Variants in HIP1 observed in about 807,000 individuals in gnomAD.
HIP1 encodes huntingtin interacting protein 1, also known as huntingtin-interacting protein 1.
In HIP1, 65 loss-of-function variants were observed where a neutral mutation model predicts 147.6. The observed-to-expected ratio is 0.44, with a 90% CI of 0.36 to 0.54. The LOEUF (loss-of-function observed/expected upper bound fraction) is 0.54, where lower values mean the gene tolerates loss of function less well. HIP1 is among the 20% of genes least tolerant of loss of function. The pLI, the probability that HIP1 is intolerant of heterozygous loss-of-function variation, is 0.00. For synonymous variants in HIP1, 479 were observed against 504.0 expected (o/e 0.95, Z 0.67); for missense variants, 1,061 against 1,299.6 (o/e 0.82, Z 2.82).
intron 28 of HIP1, among the ~76,000 whole-genome samples, chr7:75,542,347 G>C (rs1794355280): frequency 2.0e-5 from 3 of 151,896 alleles, no homozygotes; most frequent in Admixed American, 2.0e-4. Context: ...AGTGAGCCAA[G>C]ATTGCGCCAT....
intron 1 of HIP1, among the ~76,000 whole-genome samples, chr7:75,650,453 CTTTTT>C (rs782108312): frequency 7.9e-6 from 1 of 126,560 alleles, no homozygotes; most frequent in Non-Finnish European, 1.6e-5. Flanking sequence ...GCCCAGTTAT[CTTTTT>C]TTTTTTTTTT....
At chr7:75,613,995 AC>A (rs1174289024) in intron 1 of HIP1, among the ~76,000 whole-genome samples, 1 of 150,518 alleles carries the variant, frequency 6.6e-6, no homozygotes, top group Non-Finnish European at 1.5e-5. Context: ...GCTCACTACA[AC>A]CTTAACCTCC....
chr7:75,647,392 C>T (rs1390298641), intron 1 of HIP1, among the ~76,000 whole-genome samples: 2 of 151,896 alleles, frequency 1.3e-5, no homozygotes, highest in Non-Finnish European at 2.9e-5. Flanking sequence ...AGAGAGACTC[C>T]ATCTCAAAAA....
intron 1 of HIP1, among the ~76,000 whole-genome samples, chr7:75,674,867 G>A (rs1424555147): frequency 2.0e-5 from 3 of 151,626 alleles, no homozygotes; most frequent in African/African-American, 7.3e-5. Context: ...ACTTCTCGCT[G>A]CTTCCTCTTT....
rs1015055350 is a variant in HIP1, at chr7:75,548,960, C to T, written c.2337G>A (p.Leu779=). The change falls in exon 23 of 31, where the codon CTG becomes CTA. Residue 779 remains leucine (L), a synonymous_variant. Transcript: ENST00000336926. The part of the protein sequence containing the change: ...PRGLDIKQEE[L]GDLVDKEMAA... ...CCATCTCCTTGTCCACCAGGTCCCC[C>T]AGCTCCTCCTGCTTGATGTCCAGTC... is the stretch of plus-strand genomic sequence containing the variant. The T allele has an allele frequency of 1.2e-6, 2 of 1,613,976 alleles. No individual in the cohort carries two copies. The highest frequency in any genetic ancestry group is 1.7e-5 in the Admixed American group (1 of 59,992).
intron 1 of HIP1, among the ~76,000 whole-genome samples, chr7:75,615,233 G>T (rs1193535974): frequency 6.6e-6 from 1 of 152,100 alleles, no homozygotes; most frequent in Non-Finnish European, 1.5e-5. Context: ...CACACCAGGG[G>T]CTGTGAGAGA....
At chr7:75,641,492 G>GTTT (rs111549394) in intron 1 of HIP1, among the ~76,000 whole-genome samples, 1 of 147,578 alleles carries the variant, frequency 6.8e-6, no homozygotes, top group African/African-American at 2.5e-5. Context: ...CTCCTTGTTT[G>GTTT]CTTTTTTTTT....
intron 1 of HIP1, among the ~76,000 whole-genome samples, chr7:75,704,581 GTTGT>G (rs1238215663): frequency 4.0e-5 from 6 of 150,240 alleles, no homozygotes; most frequent in Non-Finnish European, 5.9e-5. Flanking sequence ...TGTTGTTGTT[GTTGT>G]TTGTTTGTTT....
Position 75,555,470 on chromosome 7 carries a change from C to T in HIP1, c.1909G>A (p.Asp637Asn). The T allele has an allele frequency of 1.2e-6, 2 of 1,614,200 alleles. No homozygotes were observed. The highest frequency in any genetic ancestry group is 1.7e-6 in the Non-Finnish European group (2 of 1,180,046). ...GGTTCTTCAAGCTGGTTCAGGGCGT[C>T]TTGTATCACCTGCTCCGCAGCCTTC... The part of the protein sequence containing the change: ...SRKAAEQVIQ[D>N]ALNQLEEPPL... The change falls in exon 19 of 31, where the codon GAC becomes AAC. Residue 637 changes from aspartate (D) to asparagine (N), a missense_variant. Asp to Asn is a conservative substitution (Grantham distance 23, BLOSUM62 1). Coordinates refer to ENST00000336926, the MANE Select transcript of HIP1 (RefSeq NM_005338.7).
chr7:75,611,712 G>C, intron 1 of HIP1: 3 of 1,032,642 alleles, frequency 2.9e-6, no homozygotes, highest in Non-Finnish European at 3.5e-6. Flanking sequence ...AGAACAGGCT[G>C]TTCTCTGGAC....
intron 7 of HIP1, among the ~76,000 whole-genome samples, chr7:75,575,914 G>GAA (rs781931755): frequency 7.0e-6 from 1 of 143,450 alleles, no homozygotes; most frequent in Non-Finnish European, 1.5e-5. Flanking sequence ...TCTGGCAGCT[G>GAA]AAAAAAAAAA....
At chr7:75,582,000 C>T (rs1478852791) in intron 6 of HIP1, 75 bp downstream of exon 6, 1 of 1,270,492 alleles carries the variant, frequency 7.9e-7, no homozygotes, top group Non-Finnish European at 1.1e-6. Flanking sequence ...ATCAGGCCCT[C>T]CATGACCCTT....
intron 15 of HIP1, 72 bp downstream of exon 15, chr7:75,558,095 C>G: frequency 7.8e-7 from 1 of 1,289,018 alleles, no homozygotes; most frequent in Non-Finnish European, 1.1e-6. Flanking sequence ...CCCGGGGAAG[C>G]CACAGGCCTG....
At chr7:75,574,448 G>T (rs1167356086) in intron 7 of HIP1, among the ~76,000 whole-genome samples, 1 of 151,716 alleles carries the variant, frequency 6.6e-6, no homozygotes, top group African/African-American at 2.4e-5. Context: ...AATTAGCTGG[G>T]CATGGTGGCA....
intron 1 of HIP1, among the ~76,000 whole-genome samples, chr7:75,694,118 C>T (rs2056871891): frequency 6.6e-6 from 1 of 152,002 alleles, no homozygotes; most frequent in African/African-American, 2.4e-5. Flanking sequence ...CGGGATTTCA[C>T]CATGTTGGCC....
intron 22 of HIP1, among the ~76,000 whole-genome samples, chr7:75,551,189 A>ATTTTTTTTTTTTTTT (rs55679922): frequency 0.011 from 830 of 77,390 alleles, 191 homozygotes; most frequent in African/African-American, 0.021. Context: ...GTAGATGATA[A>ATTTTTTTTTTTTTTT]TTTTTTTTTT....
At chr7:75,683,273 G>A (rs1222819500) in intron 1 of HIP1, among the ~76,000 whole-genome samples, 1 of 152,074 alleles carries the variant, frequency 6.6e-6, no homozygotes, top group East Asian at 1.9e-4. Flanking sequence ...CAGCCACCGT[G>A]CCCGGCCTCA....
intron 5 of HIP1, among the ~76,000 whole-genome samples, chr7:75,584,210 C>T (rs782487452): frequency 2.0e-5 from 3 of 151,916 alleles, no homozygotes; most frequent in Admixed American, 6.6e-5. Context: ...GTGATCCACC[C>T]GCCTCGGCCT....
chr7:75,737,600 C>T (rs1403340239), intron 1 of HIP1, among the ~76,000 whole-genome samples: 2 of 152,160 alleles, frequency 1.3e-5, no homozygotes, highest in African/African-American at 4.8e-5. Context: ...CCCGCCTCGG[C>T]CTCCCAAAGT....
Sources: gnomAD v4.1 joint callset for allele counts (sites outside exome capture counted in the v4.1 genomes callset) on GRCh38, gnomAD v4.1.1 for gene constraint, MANE v1.5 for transcripts, NCBI Gene and HGNC (gene_info 2026-07-23, HGNC 2026-07-21) for gene names.